The following SAXO1 variants were observed in gnomAD, a reference collection of about 807,000 sequenced individuals.
The protein encoded by SAXO1 is stabilizer of axonemal microtubules 1, also known as 4930500O09Rik.
Under a neutral mutation model 17.5 loss-of-function variants are expected in SAXO1, and 21 were observed. The observed-to-expected ratio is 1.20, with a 90% confidence interval of 0.85 to 1.72. The LOEUF is 1.72. Among genes scored for constraint, SAXO1 ranks in the 40% most tolerant of loss-of-function variants. The probability of loss-of-function intolerance (pLI) is 0.00; values close to 1 mark genes in which losing one functional copy is unlikely to be tolerated. For missense variants in SAXO1, 843 were observed against 596.0 expected (o/e 1.41, Z -4.32); for synonymous variants, 274 against 216.5 (o/e 1.27, Z -2.33).
chr9:19,016,166 T>C (rs1186606548), intron 1 of SAXO1, among the ~76,000 whole-genome samples: 1 of 152,170 alleles, frequency 6.6e-6, no homozygotes, highest in African/African-American at 2.4e-5. Flanking sequence ...CCAGGCATGG[T>C]GGCTCATGCC....
At chr9:19,036,683 A>G (rs772276411), upstream of SAXO1, among the ~76,000 whole-genome samples, 34 of 152,334 alleles carry the variant, frequency 2.2e-4, no homozygotes, top group Non-Finnish European at 4.4e-4. Context: ...CCTAGATTTC[A>G]GAGGATATAT....
intron 1 of SAXO1, among the ~76,000 whole-genome samples, chr9:19,031,559 T>G (rs35804618): frequency 0.073 from 11,158 of 152,148 alleles, 531 homozygotes; most frequent in East Asian, 0.1. Flanking sequence ...AGACACTGCC[T>G]CCAAAAAGAA....
rs1554670629 is a variant in SAXO1 at position 18,956,110 on chromosome 9, A to ACTTTT, written c.39-5174_39-5173insAAAAG. Among the ~76,000 whole-genome samples, 5 of 128,810 alleles carry ACTTTT rather than the reference A, an allele frequency of 3.9e-5. 2 individuals are homozygous for ACTTTT. 84.5% of individuals were successfully genotyped at this position (128,810 alleles called of 152,430 possible). A position where few individuals can be genotyped will look rare whatever the true frequency, so the allele number is the denominator to read the frequency against. On this transcript the variant is annotated intron_variant, in intron 1 of 3. Coordinates refer to ENST00000380534, the MANE Select transcript of SAXO1 (RefSeq NM_153707.4). ...CATGCACCACTGCACAACCTGGCTA[A>ACTTTT]TTTTTTTTTTTTTTTTTTTTTGTAG...
In SAXO1 at chr9:19,029,826, G is replaced by A. The variant is rs143805793; in HGVS notation, c.38+3045C>T. Among the ~76,000 whole-genome samples, 8 of 152,200 alleles carry A rather than the reference G, an allele frequency of 5.3e-5. No homozygotes were observed. The East Asian group carries it at 1.5e-3, about 29-fold the overall frequency. On this transcript the variant is annotated intron_variant, in intron 1 of 3. Transcript: ENST00000380534. ...AATTGCCACAGCTGGCTACCATACT[G>A]GACAGTACATCTCTAAATCTTACAT... is the stretch of plus-strand genomic sequence containing the variant.
chr9:19,036,693 T>C (rs150536783), upstream of SAXO1, among the ~76,000 whole-genome samples: 230 of 152,202 alleles, frequency 1.5e-3, no homozygotes, highest in African/African-American at 5.3e-3. Flanking sequence ...AGAGGATATA[T>C]GGAAATGCCT....
intron 3 of SAXO1, among the ~76,000 whole-genome samples, chr9:18,930,946 GA>G (rs1264962395): frequency 6.6e-6 from 1 of 151,974 alleles, no homozygotes; most frequent in African/African-American, 2.4e-5. Flanking sequence ...CGAAAGGTTA[GA>G]AAAAAAAGCT....
intron 1 of SAXO1, among the ~76,000 whole-genome samples, chr9:19,010,447 T>C (rs1212055651): frequency 6.6e-6 from 1 of 150,556 alleles, no homozygotes; most frequent in African/African-American, 2.4e-5. Flanking sequence ...ACTAAACAAA[T>C]ATCCCATGTA....
In SAXO1 at chr9:19,046,041, T is replaced by C. The variant is rs560972787; in HGVS notation, c.-158+3168A>G. On this transcript the variant is annotated intron_variant, in intron 1 of 3. Coordinates refer to the SAXO1 transcript ENST00000542071. ...AGGCGGAGGTTGCGGTGAGCAGAGA[T>C]TGCGCCGTTGCGCCTGGGCAACAAG... Among the ~76,000 whole-genome samples the C allele has an allele frequency of 1.5e-5, 2 of 137,532 alleles. 1 individual carries two copies. The highest frequency in any genetic ancestry group is 5.7e-5 in the African/African-American group (2 of 35,334). The allele number at this position is 137,532 out of a possible 152,430, so 90.2% of individuals were successfully genotyped here. A position where few individuals can be genotyped will look rare whatever the true frequency, so the allele number is the denominator to read the frequency against.
chr9:18,977,774 A>C (rs1833208063), intron 1 of SAXO1, among the ~76,000 whole-genome samples: 2 of 152,178 alleles, frequency 1.3e-5, no homozygotes, highest in South Asian at 4.2e-4. Context: ...GCAGTGGATC[A>C]CTTGAAGTTG....
At chr9:18,955,969 C>G (rs1025646187) in intron 1 of SAXO1, among the ~76,000 whole-genome samples, 1 of 151,748 alleles carries the variant, frequency 6.6e-6, no homozygotes, top group Non-Finnish European at 1.5e-5. Flanking sequence ...AGACAGGGAC[C>G]GACTTTGTCA....
chr9:19,022,844 T>G (rs994368656), intron 1 of SAXO1, among the ~76,000 whole-genome samples: 4 of 152,160 alleles, frequency 2.6e-5, no homozygotes, highest in African/African-American at 9.7e-5. Flanking sequence ...CAAAGTTACT[T>G]TGAACAAGCT....
rs147546581 is a variant in SAXO1, at chr9:18,985,865, T to C, written c.39-34928A>G. Among the ~76,000 whole-genome samples the C allele has an allele frequency of 6.4e-4, 98 of 152,330 alleles. 1 individual carries two copies. The highest frequency in any genetic ancestry group is 6.8e-3 in the Middle Eastern group (2 of 294). ...CAAGACACATGTCAGGGAAAAAGCATGAGAAAATTTGGCAGGTATGTCTAA... is the reference window on the plus strand; with the variant it reads ...CAAGACACATGTCAGGGAAAAAGCACGAGAAAATTTGGCAGGTATGTCTAA... On this transcript the variant is annotated intron_variant, in intron 1 of 3. Coordinates refer to ENST00000380534, the MANE Select transcript of SAXO1 (RefSeq NM_153707.4).
At chr9:18,937,551 T>A (rs1237006921) in intron 3 of SAXO1, among the ~76,000 whole-genome samples, 1 of 152,160 alleles carries the variant, frequency 6.6e-6, no homozygotes, top group Admixed American at 6.5e-5. Context: ...TGCCCCAAAA[T>A]TCATGTGCTG....
At chr9:18,971,673 C>T (rs535007198) in intron 1 of SAXO1, among the ~76,000 whole-genome samples, 13 of 152,290 alleles carry the variant, frequency 8.5e-5, no homozygotes, top group African/African-American at 1.4e-4. Context: ...AATGAAATTA[C>T]TTCCCTATAC....
At chr9:19,013,371 T>A (rs916125939) in intron 1 of SAXO1, among the ~76,000 whole-genome samples, 1 of 152,090 alleles carries the variant, frequency 6.6e-6, no homozygotes, top group African/African-American at 2.4e-5. Context: ...ATTGCCCTCT[T>A]GTGGGAAATA....
chr9:18,960,114 C>T (rs922136740), intron 1 of SAXO1, among the ~76,000 whole-genome samples: 2 of 152,172 alleles, frequency 1.3e-5, no homozygotes. Flanking sequence ...CTCTTCCGGC[C>T]CCTCCCCCCT....
At chr9:18,939,479 A>T (rs1189168390) in intron 3 of SAXO1, among the ~76,000 whole-genome samples, 2 of 152,250 alleles carry the variant, frequency 1.3e-5, no homozygotes, top group East Asian at 3.8e-4. Context: ...AGTGCAAGGC[A>T]CCCATATAGC....
intron 2 of SAXO1, among the ~76,000 whole-genome samples, chr9:18,946,200 C>T (rs188674456): frequency 3.6e-5 from 5 of 138,514 alleles, no homozygotes; most frequent in African/African-American, 8.3e-5. Context: ...CGCTTGAACT[C>T]GGGAGGAGGA....
At chr9:18,953,985 C>G (rs1002789854) in intron 1 of SAXO1, among the ~76,000 whole-genome samples, 2 of 152,174 alleles carry the variant, frequency 1.3e-5, no homozygotes, top group Admixed American at 6.5e-5. Context: ...GCTTGGCAGC[C>G]ATGATCCAAA....
Sources: allele counts gnomAD v4.1 joint callset (sites outside exome capture counted in the v4.1 genomes callset), GRCh38; gene constraint gnomAD v4.1.1; transcripts MANE v1.5; gene names NCBI Gene and HGNC (gene_info 2026-07-23, HGNC 2026-07-21).